The following GSAP variants were observed in gnomAD, a reference collection of about 807,000 sequenced individuals.
The protein encoded by GSAP is gamma-secretase-activating protein.
A neutral mutation model predicts 131.7 loss-of-function variants in GSAP; 118 were observed. The ratio of observed to expected loss-of-function variants is 0.90; its 90% CI spans 0.77 to 1.04. GSAP has a LOEUF of 1.04. Ranked by LOEUF, GSAP falls within the 50% of genes least tolerant of loss-of-function variation. The pLI is 0.00. For missense variants in GSAP, 1,019 were observed against 1,013.2 expected, an observed-to-expected ratio of 1.01 and a Z score of -0.08; for synonymous variants, 381 against 363.4, an observed-to-expected ratio of 1.05 and a Z score of -0.55.
intron 6 of GSAP, 41 bp downstream of exon 6, chr7:77,387,319 T>G (rs778869778): frequency 9.8e-7 from 1 of 1,016,094 alleles, no homozygotes; most frequent in Non-Finnish European, 1.6e-6. Flanking sequence ...CTGCATGCCT[T>G]TTGATTAATG....
chr7:77,349,448 A>C (rs757036707), intron 18 of GSAP, 44 bp from the exon 19 acceptor site: 36 of 1,513,908 alleles, frequency 2.4e-5, no homozygotes, highest in Non-Finnish European at 3.1e-5. Context: ...TCAGTGTATG[A>C]ACTACCACTA....
chr7:77,387,884 G>T (rs748432185), intron 5 of GSAP, among the ~76,000 whole-genome samples: 5 of 152,158 alleles, frequency 3.3e-5, no homozygotes, highest in Non-Finnish European at 7.4e-5. Flanking sequence ...AAACACAAGT[G>T]GCTTCTGAAT....
intron 11 of GSAP, among the ~76,000 whole-genome samples, chr7:77,374,534 A>G (rs770200148): frequency 2.0e-5 from 3 of 152,174 alleles, no homozygotes; most frequent in African/African-American, 4.8e-5. Context: ...CATGTCTTCT[A>G]CATATTGATG....
At chr7:77,330,596 CGTT>C (rs1328418300) in intron 19 of GSAP, 312 of 771,916 alleles carry the variant, frequency 4.0e-4, no homozygotes, top group African/African-American at 1.1e-3. Context: ...TTTTTTTTGT[CGTT>C]GTTTTTTTAA....
chr7:77,339,162 G>A (rs1044299815), intron 19 of GSAP, among the ~76,000 whole-genome samples: 24 of 152,172 alleles, frequency 1.6e-4, no homozygotes, highest in Non-Finnish European at 2.9e-5. Flanking sequence ...GGAGCTGAGG[G>A]TGGGACATGC....
chr7:77,327,059 AC>A (rs1189927838), intron 22 of GSAP: 3 of 152,218 alleles, frequency 2.0e-5, no homozygotes, highest in Non-Finnish European at 4.4e-5. Context: ...CCTGGATCCT[AC>A]ACAACCCTCG....
intron 19 of GSAP, among the ~76,000 whole-genome samples, chr7:77,343,401 A>G (rs1230906304): frequency 6.6e-6 from 1 of 152,212 alleles, no homozygotes; most frequent in Non-Finnish European, 1.5e-5. Flanking sequence ...GACTCTAAAT[A>G]TGCCTTCCAT....
intron 14 of GSAP, among the ~76,000 whole-genome samples, chr7:77,359,616 GTGCCTA>G (rs1187627052): frequency 1.3e-5 from 2 of 152,084 alleles, no homozygotes; most frequent in East Asian, 3.8e-4. Context: ...CTATGATTTT[GTGCCTA>G]TAAAATATGC....
At chr7:77,387,903 C>T (rs1798822338) in intron 5 of GSAP, among the ~76,000 whole-genome samples, 1 of 152,182 alleles carries the variant, frequency 6.6e-6, no homozygotes, top group African/African-American at 2.4e-5. Flanking sequence ...ATTCAAAGAT[C>T]ACTGTATATT....
chr7:77,374,150 A>T lies in GSAP; in HGVS notation c.791T>A (p.Val264Asp), dbSNP rs989582236. 59 of 1,544,054 alleles carry T rather than the reference A, an allele frequency of 3.8e-5. No homozygotes were observed. In the Admixed American group the frequency reaches 8.4e-4, roughly 22 times the overall value. ...TTGATGATAATCACATCCAAAGTTG[A>T]CAAGTCTAAGAACATAAAGAATGAG... ...ISLSNSGFKL[V>D]NFGCDYHQYR... The change falls in exon 12 of 31, where the codon GTC becomes GAC. Residue 264 changes from valine to aspartate, a missense_variant. By Grantham distance (152) the Val-to-Asp change is radical (BLOSUM62 -3). Coordinates refer to ENST00000257626, the MANE Select transcript of GSAP (RefSeq NM_017439.4).
intron 5 of GSAP, among the ~76,000 whole-genome samples, chr7:77,390,154 G>C (rs911140979): frequency 2.0e-5 from 3 of 152,102 alleles, no homozygotes; most frequent in Non-Finnish European, 4.4e-5. Context: ...TTGTAAATTT[G>C]TTTGAGTTCA....
intron 1 of GSAP, among the ~76,000 whole-genome samples, chr7:77,413,021 T>C (rs1258023357): frequency 6.6e-6 from 1 of 152,112 alleles, no homozygotes; most frequent in East Asian, 1.9e-4. Flanking sequence ...GTACTGACCA[T>C]ACAGCAAACC....
In GSAP at chr7:77,384,070, G is replaced by T. The variant is rs138401922; in HGVS notation, c.457-1427C>A. On this transcript the variant is annotated intron_variant, in intron 6 of 30. Coordinates refer to ENST00000257626, the MANE Select transcript of GSAP (RefSeq NM_017439.4). ...CTAATTGTCTCATAATTTGTAAAATGTCACACATCAAACAAGATACTTTGT... is the reference window on the plus strand; with the variant it reads ...CTAATTGTCTCATAATTTGTAAAATTTCACACATCAAACAAGATACTTTGT... 3.4e-3 allele frequency among the ~76,000 whole-genome samples: 512 copies of T among 152,306 alleles called. 2 individuals carry two copies. Among genetic ancestry groups the T allele is most frequent in the African/African-American group, 0.011 (475 of 41,566 alleles).
At chr7:77,394,614 T>A (rs981981456) in intron 5 of GSAP, among the ~76,000 whole-genome samples, 2 of 152,040 alleles carry the variant, frequency 1.3e-5, no homozygotes, top group African/African-American at 4.8e-5. Context: ...CTGGGAAAAA[T>A]GAAACAGGGA....
At chr7:77,341,916 T>C (rs1395915780) in intron 19 of GSAP, among the ~76,000 whole-genome samples, 1 of 152,120 alleles carries the variant, frequency 6.6e-6, no homozygotes, top group Non-Finnish European at 1.5e-5. Context: ...TCAAAATGCC[T>C]AAGCCACAGT....
At position 77,416,331 on chromosome 7, in the gene GSAP, A is replaced by T. The variant is rs759440455; in HGVS notation, c.-10T>A. 6.8e-7 allele frequency: 1 copy of T among 1,467,176 alleles called. No individual in the cohort carries two copies. Among genetic ancestry groups the T allele is most frequent in the South Asian group, 1.3e-5 (1 of 77,452 alleles). 90.9% of individuals were successfully genotyped at this position (1,467,176 alleles called of 1,614,324 possible). A position where few individuals can be genotyped will look rare whatever the true frequency, so the allele number is the denominator to read the frequency against. On this transcript the variant is annotated 5_prime_UTR_variant, in exon 1 of 31. Coordinates refer to ENST00000257626, the MANE Select transcript of GSAP (RefSeq NM_017439.4). The stretch of plus-strand genomic sequence containing the variant: ...CCAGGCGAAGAGCCATCGCCCGGAC[A>T]CGACCACCGGGCGGCTCTGGGGCCC...
In GSAP at chr7:77,311,861, T is replaced by C. The variant is rs201644766; in HGVS notation, c.2453A>G (p.Asp818Gly). ...ATTACCTTGATTGGAGGACTCTATATCTGTCAGAATTTCAATGAAGTAGTT... is the reference window on the plus strand; with the variant it reads ...ATTACCTTGATTGGAGGACTCTATACCTGTCAGAATTTCAATGAAGTAGTT... ...PLNYFIEILT[D>G]IESSNQALYP... Residue 818 changes from aspartate to glycine, a missense_variant, in exon 30 of 31, where the codon GAT becomes GGT. Transcript: ENST00000257626. The C allele has an allele frequency of 2.3e-4, 354 of 1,550,884 alleles. No homozygotes were observed. The highest frequency in any genetic ancestry group is 2.8e-4 in the Non-Finnish European group (313 of 1,122,578).
rs1797507018 is a variant in GSAP, at chr7:77,379,749, T to C, written c.576+1556A>G. 7 of 360,780 alleles carry C rather than the reference T, an allele frequency of 1.9e-5. 1 individual carries two copies. Among genetic ancestry groups the C allele is most frequent in the Non-Finnish European group, 2.7e-5 (7 of 258,766 alleles). The allele number at this position is 360,780 out of a possible 1,614,324, so 22.3% of individuals were successfully genotyped here. A position where few individuals can be genotyped will look rare whatever the true frequency, so the allele number is the denominator to read the frequency against. On this transcript the variant is annotated intron_variant, in intron 8 of 30. Coordinates refer to ENST00000257626, the MANE Select transcript of GSAP (RefSeq NM_017439.4). ...TTGGGCTTGACCCTCTTCTGACTCC[T>C]GGCCCTCTCTGTCCTTGTGCTCCCA...
At chr7:77,362,557 A>G in intron 13 of GSAP, 26 bp downstream of exon 13, 1 of 1,222,690 alleles carries the variant, frequency 8.2e-7, no homozygotes, top group Non-Finnish European at 1.2e-6. Context: ...ATTATGTAAA[A>G]GTAACAAAGA....
Sources: allele counts gnomAD v4.1 joint callset (sites outside exome capture counted in the v4.1 genomes callset), GRCh38; gene constraint gnomAD v4.1.1; transcripts MANE v1.5; gene names NCBI Gene and HGNC (gene_info 2026-07-23, HGNC 2026-07-21).